The following CR1 variants were observed in gnomAD, a reference collection of about 807,000 sequenced individuals.
The protein encoded by CR1 is complement C3b/C4b receptor 1 (Knops blood group).
Under a neutral mutation model 187.3 loss-of-function variants are expected in CR1, and 116 were observed. That is an observed-to-expected ratio of 0.62 (90% CI 0.53 to 0.72). The LOEUF (loss-of-function observed/expected upper bound fraction) is 0.72. Ranked by LOEUF, CR1 falls within the 30% of genes least tolerant of loss-of-function variation. The probability of loss-of-function intolerance (pLI) is 0.00; values close to 1 mark genes in which losing one functional copy is unlikely to be tolerated. For synonymous variants in CR1, 576 were observed against 747.1 expected (o/e 0.77, Z 3.73); for missense variants, 1,731 against 2,110.7 (o/e 0.82, Z 3.52).
At chr1:207,508,078 C>T (rs1403490487) in intron 3 of CR1, among the ~76,000 whole-genome samples, 1 of 152,140 alleles carries the variant, frequency 6.6e-6, no homozygotes, top group Non-Finnish European at 1.5e-5. Flanking sequence ...CAACTATATG[C>T]CATTCTGGAA....
chr1:207,499,517 C>T (rs749683553), intron 1 of CR1, among the ~76,000 whole-genome samples: 1 of 152,180 alleles, frequency 6.6e-6, no homozygotes, highest in Non-Finnish European at 1.5e-5. Context: ...TTGAATTCAA[C>T]AGCACCATCA....
rs1319599714 is a variant in CR1 at position 207,553,114 on chromosome 1, C to CA, written c.3101+266dup. 10 of 281,128 alleles carry CA rather than the reference C, an allele frequency of 3.6e-5. No homozygotes were observed. The Admixed American group carries it at 5.2e-4, about 15-fold the overall frequency. 17.4% of individuals were successfully genotyped at this position (281,128 alleles called of 1,614,324 possible). Reference sequence around the variant, plus strand: ...GAAAAAAAATTAGAAGTGTAGTAGTCAAAGCACACAAACAACCCTAACCCA... The same window carrying CA: ...GAAAAAAAATTAGAAGTGTAGTAGTCAAAAGCACACAAACAACCCTAACCCA... On this transcript the variant is annotated intron_variant, in intron 19 of 46. Coordinates refer to ENST00000367049, the MANE Select transcript of CR1 (RefSeq NM_000651.6).
chr1:207,581,236 G>A (rs768747683), intron 31 of CR1, among the ~76,000 whole-genome samples: 14 of 149,702 alleles, frequency 9.4e-5, no homozygotes, highest in South Asian at 4.2e-4. Context: ...ATATGTAGAC[G>A]TATACATATG....
At chr1:207,610,113 G>A (rs753924509) in intron 37 of CR1, among the ~76,000 whole-genome samples, 3 of 152,146 alleles carry the variant, frequency 2.0e-5, no homozygotes, top group East Asian at 1.9e-4. Flanking sequence ...GAGCCATGAG[G>A]ACCAAAATGA....
intron 28 of CR1, 61 bp downstream of exon 28, chr1:207,575,741 A>C (rs1402144935): frequency 6.2e-7 from 1 of 1,604,690 alleles, no homozygotes; most frequent in East Asian, 2.2e-5. Flanking sequence ...GTCCTCCTAG[A>C]ATTACAAAGA....
intron 4 of CR1, among the ~76,000 whole-genome samples, chr1:207,522,193 T>G (rs1302161561): frequency 4.6e-5 from 7 of 152,180 alleles, no homozygotes; most frequent in Non-Finnish European, 8.8e-5. Flanking sequence ...GATGGAATTT[T>G]TGTCATTGTT....
At chr1:207,585,875 C>T (rs1007243425) in intron 33 of CR1, among the ~76,000 whole-genome samples, 1 of 152,086 alleles carries the variant, frequency 6.6e-6, no homozygotes, top group Non-Finnish European at 1.5e-5. Flanking sequence ...CAGTAGCTCA[C>T]ACCTATAATC....
intron 4 of CR1, among the ~76,000 whole-genome samples, chr1:207,518,418 C>T (rs1259074492): frequency 6.6e-6 from 1 of 152,020 alleles, no homozygotes; most frequent in African/African-American, 2.4e-5. Flanking sequence ...GTCTTTTTTT[C>T]CCCCTCCACT....
At chr1:207,517,311 T>C (rs1659836497) in intron 4 of CR1, among the ~76,000 whole-genome samples, 1 of 152,096 alleles carries the variant, frequency 6.6e-6, no homozygotes, top group African/African-American at 2.4e-5. Flanking sequence ...TGCTCATATT[T>C]TTATTGTAAC....
chr1:207,638,510 A>G (rs1662883667), intron 46 of CR1, among the ~76,000 whole-genome samples: 2 of 152,142 alleles, frequency 1.3e-5, no homozygotes, highest in African/African-American at 4.8e-5. Flanking sequence ...CTAACCCTTC[A>G]AACTGTTTTC....
chr1:207,578,291 T>C (rs938115813), intron 29 of CR1, 88 bp downstream of exon 29: 3 of 1,608,304 alleles, frequency 1.9e-6, no homozygotes, highest in Admixed American at 3.3e-5. Flanking sequence ...GGGGGAGGTA[T>C]GTATGGTGAG....
chr1:207,582,428 G>A (rs532211784), intron 32 of CR1, among the ~76,000 whole-genome samples: 12 of 152,058 alleles, frequency 7.9e-5, no homozygotes, highest in Non-Finnish European at 1.8e-4. Flanking sequence ...TGGGAACTGG[G>A]GATATACCTA....
chr1:207,589,079 A>T (rs1330327911), intron 35 of CR1, among the ~76,000 whole-genome samples: 2 of 152,224 alleles, frequency 1.3e-5, no homozygotes, highest in African/African-American at 2.4e-5. Flanking sequence ...AGGAAAAGGA[A>T]AAAAGGTAGT....
chr1:207,585,868 T>A (rs1661097576), intron 33 of CR1, among the ~76,000 whole-genome samples: 1 of 152,072 alleles, frequency 6.6e-6, no homozygotes, highest in Non-Finnish European at 1.5e-5. Context: ...CTGGGCACAG[T>A]AGCTCACACC....
intron 43 of CR1, 34 bp downstream of exon 43, chr1:207,620,099 C>A: frequency 6.3e-7 from 1 of 1,584,126 alleles, no homozygotes; most frequent in South Asian, 1.2e-5. Flanking sequence ...GGGATCTTCC[C>A]GGTCATGGTT....
chr1:207,573,294 G>C (rs186705629), intron 27 of CR1, among the ~76,000 whole-genome samples: 3 of 152,306 alleles, frequency 2.0e-5, no homozygotes, highest in Admixed American at 1.3e-4. Flanking sequence ...AAGGAAGTTT[G>C]TGGTGTCCAG....
At chr1:207,506,656 C>A (rs764772374) in intron 2 of CR1, 58 bp from the exon 3 acceptor site, 6 of 1,439,984 alleles carry the variant, frequency 4.2e-6, no homozygotes, top group Non-Finnish European at 5.9e-6. Context: ...ACCTTATGTA[C>A]TAAAAAAAGT....
intron 1 of CR1, among the ~76,000 whole-genome samples, chr1:207,504,327 T>C (rs1440928979): frequency 1.3e-5 from 2 of 152,186 alleles, no homozygotes; most frequent in Non-Finnish European, 2.9e-5. Flanking sequence ...TTAGGCAAGA[T>C]TCATTTCTAG....
At position 207,556,651 on chromosome 1, in the gene CR1, A is replaced by ATATATG. The variant is rs1255869387; in HGVS notation, c.3102-1882_3102-1881insGTATAT. On this transcript the variant is annotated intron_variant, in intron 19 of 46. Transcript: ENST00000367049. ...ATTTCATACATGTGATCTATATCAT[A>ATATATG]TATATATATATATATATATATATAT... Among the ~76,000 whole-genome samples the ATATATG allele has an allele frequency of 1.4e-3, 91 of 64,396 alleles. 5 individuals carry two copies. Among genetic ancestry groups the ATATATG allele is most frequent in the African/African-American group, 4.1e-3 (87 of 21,466 alleles). The allele number at this position is 64,396 out of a possible 152,430, so 42.2% of individuals were successfully genotyped here. A position where few individuals can be genotyped will look rare whatever the true frequency, so the allele number is the denominator to read the frequency against.
Sources: gnomAD v4.1 joint callset for allele counts (sites outside exome capture counted in the v4.1 genomes callset) on GRCh38, gnomAD v4.1.1 for gene constraint, MANE v1.5 for transcripts, NCBI Gene and HGNC (gene_info 2026-07-23, HGNC 2026-07-21) for gene names.